Variants in MACROD1 observed in about 807,000 individuals in gnomAD.
MACROD1 encodes ADP-ribose glycohydrolase MACROD1.
MACROD1 carries 31 observed loss-of-function variants against 41.4 expected under a neutral mutation model. That is an observed-to-expected ratio of 0.75 (90% CI 0.56 to 1.01). The LOEUF (loss-of-function observed/expected upper bound fraction) is 1.01. MACROD1 is among the 50% of genes least tolerant of loss of function. The probability of loss-of-function intolerance (pLI) is 0.00; values close to 1 mark genes in which losing one functional copy is unlikely to be tolerated. For missense variants in MACROD1, 473 were observed against 460.0 expected (o/e 1.03, Z -0.26); for synonymous variants, 252 against 203.4 (o/e 1.24, Z -2.03).
At chr11:64,001,153 C>A in intron 4 of MACROD1, 1 of 472,818 alleles carries the variant, frequency 2.1e-6, no homozygotes, top group Non-Finnish European at 3.8e-6. Context: ...GGAAACGCTC[C>A]AGCAGCCCAA....
chr11:64,015,078 G>A (rs977807928), intron 4 of MACROD1, among the ~76,000 whole-genome samples, 174 bp downstream of exon 4: 1 of 152,170 alleles, frequency 6.6e-6, no homozygotes, highest in Non-Finnish European at 1.5e-5. Context: ...TGGTGGTGAG[G>A]GTGCCAGGCC....
chr11:64,103,080 AC>A (rs1281448669), intron 3 of MACROD1: 6 of 151,490 alleles, frequency 4.0e-5, no homozygotes, highest in Admixed American at 3.3e-4. Flanking sequence ...AAAAAAAAAA[AC>A]AAAAAAACAG....
Position 64,166,075 on chromosome 11 carries a change from G to T in MACROD1, c.-81C>A. 1 of 1,226,088 alleles carries T rather than the reference G, an allele frequency of 8.2e-7. No homozygotes were observed. Among genetic ancestry groups the T allele is most frequent in the South Asian group, 4.1e-5 (1 of 24,350 alleles). The allele number at this position is 1,226,088 out of a possible 1,614,324, so 76.0% of individuals were successfully genotyped here. A position where few individuals can be genotyped will look rare whatever the true frequency, so the allele number is the denominator to read the frequency against. The stretch of plus-strand genomic sequence containing the variant: ...GGAGTGTCTCTCCCTTATTTACTCT[G>T]GGACCGGGTGGCGACTGCCAGCCAG... On this transcript the variant is annotated 5_prime_UTR_variant, in exon 1 of 11. Transcript: ENST00000255681.
At chr11:63,999,614 C>T in intron 6 of MACROD1, 28 bp downstream of exon 6, 4 of 1,609,176 alleles carry the variant, frequency 2.5e-6, no homozygotes, top group Non-Finnish European at 3.4e-6. Context: ...GCCCCGCCTC[C>T]CGCCCTCCCC....
chr11:64,079,733 C>T (rs575200509), intron 3 of MACROD1, among the ~76,000 whole-genome samples: 5 of 151,988 alleles, frequency 3.3e-5, no homozygotes, highest in South Asian at 4.2e-4. Context: ...GAGAGTGGGG[C>T]GCACGCTCAG....
intron 3 of MACROD1, among the ~76,000 whole-genome samples, chr11:64,110,282 T>C (rs910266385): frequency 6.6e-6 from 1 of 152,036 alleles, no homozygotes; most frequent in South Asian, 2.1e-4. Flanking sequence ...AAACCCCATC[T>C]CTGCAAAAAA....
At chr11:64,057,330 C>T (rs1943805852) in intron 3 of MACROD1, among the ~76,000 whole-genome samples, 1 of 152,234 alleles carries the variant, frequency 6.6e-6, no homozygotes, top group African/African-American at 2.4e-5. Context: ...CCCTCATCCA[C>T]CCTGTATGTG....
At chr11:64,109,777 G>C (rs1232225539) in intron 3 of MACROD1, among the ~76,000 whole-genome samples, 1 of 152,186 alleles carries the variant, frequency 6.6e-6, no homozygotes, top group African/African-American at 2.4e-5. Flanking sequence ...GCATGGCTTG[G>C]GGGAGGGGCA....
At chr11:64,148,788 T>G (rs1033373402) in intron 3 of MACROD1, 2 of 985,688 alleles carry the variant, frequency 2.0e-6, no homozygotes, top group Non-Finnish European at 2.4e-6. Context: ...CAGGCTGATA[T>G]ATGGGCTCCT....
At chr11:64,026,787 C>G (rs527309679) in intron 3 of MACROD1, among the ~76,000 whole-genome samples, 1 of 152,044 alleles carries the variant, frequency 6.6e-6, no homozygotes, top group South Asian at 2.1e-4. Flanking sequence ...TTTGCACATA[C>G]GTTTCCCTCT....
intron 3 of MACROD1, among the ~76,000 whole-genome samples, chr11:64,133,711 A>G (rs2134663837): frequency 6.6e-6 from 1 of 152,236 alleles, no homozygotes; most frequent in East Asian, 1.9e-4. Flanking sequence ...TGACTCTCAG[A>G]CAGGTTTTCC....
chr11:64,056,892 C>T (rs1188017), intron 3 of MACROD1, among the ~76,000 whole-genome samples: 22,628 of 152,186 alleles, frequency 0.15, 2,000 homozygotes, highest in Non-Finnish European at 0.2. Context: ...GTACCAGGGT[C>T]GGAGCTGGTC....
chr11:64,009,403 C>T (rs1436573574), intron 4 of MACROD1, among the ~76,000 whole-genome samples: 1 of 152,068 alleles, frequency 6.6e-6, no homozygotes, highest in Non-Finnish European at 1.5e-5. Context: ...CCCTGGGGGG[C>T]CCGTCCATCC....
chr11:64,052,593 C>A (rs1438772217), intron 3 of MACROD1, among the ~76,000 whole-genome samples: 1 of 152,244 alleles, frequency 6.6e-6, no homozygotes, highest in African/African-American at 2.4e-5. Context: ...GCAGACATGG[C>A]TAATCAATCC....
rs1945033729 is a variant in MACROD1, at chr11:64,118,277, C to T, written c.517+32962G>A. ...GGGACGGCGGCATCCCCGACATAGACTACTCCTACACATGATGCCCGCCCA... is the reference window on the plus strand; with the variant it reads ...GGGACGGCGGCATCCCCGACATAGATTACTCCTACACATGATGCCCGCCCA... On this transcript the variant is annotated intron_variant, in intron 3 of 10. Coordinates refer to ENST00000255681, the MANE Select transcript of MACROD1 (RefSeq NM_014067.4). The T allele has an allele frequency of 2.5e-6, 4 of 1,583,168 alleles. No homozygotes were observed. The African/African-American group carries it at 5.4e-5, about 21-fold the overall frequency.
intron 3 of MACROD1, among the ~76,000 whole-genome samples, chr11:64,138,122 G>A (rs370293569): frequency 3.8e-4 from 58 of 152,264 alleles, no homozygotes; most frequent in Admixed American, 5.9e-4. Flanking sequence ...GGTGTATCCC[G>A]GCCAAGGTCA....
chr11:64,090,223 A>G lies in MACROD1; in HGVS notation c.517+61016T>C, dbSNP rs1012117124. Among the ~76,000 whole-genome samples, 1 of 152,144 alleles carries G rather than the reference A, an allele frequency of 6.6e-6. No homozygotes were observed. The highest frequency in any genetic ancestry group is 1.5e-5 in the Non-Finnish European group (1 of 68,004). ...GTCCACAGGGTGACAGGGTGTGGGAAAGGCCAACGGGCGTGTGGGTCTCCA... is the reference window on the plus strand; with the variant it reads ...GTCCACAGGGTGACAGGGTGTGGGAGAGGCCAACGGGCGTGTGGGTCTCCA... On this transcript the variant is annotated intron_variant, in intron 3 of 10. Coordinates refer to ENST00000255681, the MANE Select transcript of MACROD1 (RefSeq NM_014067.4). This position sits in a 1 kb window ranked among gnomAD's most constrained non-coding sequence, Gnocchi z 4.7.
At chr11:64,156,077 C>T (rs1468304448) in intron 1 of MACROD1, among the ~76,000 whole-genome samples, 4 of 140,146 alleles carry the variant, frequency 2.9e-5, no homozygotes, top group Non-Finnish European at 6.0e-5. Context: ...CATTGCACTC[C>T]AGCCTGGGCA....
chr11:64,031,686 C>G (rs935451675), intron 3 of MACROD1, among the ~76,000 whole-genome samples: 1 of 152,066 alleles, frequency 6.6e-6, no homozygotes, highest in Non-Finnish European at 1.5e-5. Context: ...CCATGTTGGC[C>G]AGGCTGGTCA....
Sources: gnomAD v4.1 joint callset for allele counts (sites outside exome capture counted in the v4.1 genomes callset) on GRCh38, gnomAD v4.1.1 for gene constraint, Gnocchi (gnomAD v3.1) non-coding constraint, MANE v1.5 for transcripts, NCBI Gene and HGNC (gene_info 2026-07-23, HGNC 2026-07-21) for gene names.